Variants in CIITA observed in about 807,000 individuals in gnomAD.
CIITA encodes MHC class II transactivator.
CIITA carries 72 observed loss-of-function variants against 115.1 expected under a neutral mutation model. The ratio of observed to expected loss-of-function variants is 0.63; its 90% CI spans 0.52 to 0.76. The LOEUF is 0.76. Among genes scored for constraint, CIITA ranks in the 30% least tolerant of loss-of-function variants. The probability of loss-of-function intolerance (pLI) is 0.00; values close to 1 mark genes in which losing one functional copy is unlikely to be tolerated. For synonymous variants in CIITA, 763 were observed against 635.6 expected (o/e 1.20, Z -3.02); for missense variants, 1,617 against 1,463.8 (o/e 1.10, Z -1.71).
Position 10,924,866 on chromosome 16 carries a change from G to A in CIITA, c.*1011G>A, listed in dbSNP as rs988091554. 6.6e-6 allele frequency: 1 copy of A among 152,226 alleles called. No homozygotes were observed. The highest frequency in any genetic ancestry group is 1.5e-5 in the Non-Finnish European group (1 of 68,036). 9.4% of individuals were successfully genotyped at this position (152,226 alleles called of 1,614,324 possible). On this transcript the variant is annotated 3_prime_UTR_variant, in exon 20 of 20. Transcript: ENST00000324288. ...TATAAATGTCTCTTTAATGTCACAG[G>A]CAGGTCCAGGGTTTGAGTTCATACC...
chr16:10,910,687 A>G (rs1199730897), intron 13 of CIITA, among the ~76,000 whole-genome samples: 2 of 152,164 alleles, frequency 1.3e-5, no homozygotes, highest in Non-Finnish European at 2.9e-5. Context: ...CAGGAATTGT[A>G]ATTTCGCCAG....
At chr16:10,877,523 T>A in intron 1 of CIITA, 141 bp downstream of exon 1, 1 of 907,916 alleles carries the variant, frequency 1.1e-6, no homozygotes, top group South Asian at 1.4e-5. Flanking sequence ...GGGCAGGCCA[T>A]TGGAAGATGT....
chr16:10,915,055 G>T (rs538304897), intron 13 of CIITA: 49 of 455,254 alleles, frequency 1.1e-4, no homozygotes, highest in African/African-American at 8.6e-4. Context: ...TTCTTTTTTT[G>T]TTTTTTTTCT....
At chr16:10,896,958 G>C (rs930493087) in intron 3 of CIITA, among the ~76,000 whole-genome samples, 1 of 152,248 alleles carries the variant, frequency 6.6e-6, no homozygotes, top group African/African-American at 2.4e-5. Flanking sequence ...AAGCAGAAGT[G>C]ATTGGGGCTG....
At chr16:10,908,856 G>C (rs1381613071) in intron 11 of CIITA, 173 bp from the exon 12 acceptor site, 6 of 871,184 alleles carry the variant, frequency 6.9e-6, no homozygotes, top group Non-Finnish European at 1.1e-5. Flanking sequence ...TGAGTTGTGA[G>C]AAAGTAGGAA....
At chr16:10,895,475 G>A in intron 2 of CIITA, 47 bp downstream of exon 2, 1 of 1,609,562 alleles carries the variant, frequency 6.2e-7, no homozygotes, top group Non-Finnish European at 8.5e-7. Context: ...CCACCCCTCA[G>A]CTTGCTGTAG....
chr16:10,873,181 C>T (rs2035601053), upstream of CIITA, among the ~76,000 whole-genome samples: 1 of 152,098 alleles, frequency 6.6e-6, no homozygotes, highest in Admixed American at 6.5e-5. Context: ...CTATGTTTCC[C>T]ACGGCTGGTC....
Position 10,922,508 on chromosome 16 carries a change from T to C in CIITA, c.3317+18T>C. The C allele has an allele frequency of 6.2e-7, 1 of 1,613,500 alleles. No individual in the cohort carries two copies. The highest frequency in any genetic ancestry group is 8.5e-7 in the Non-Finnish European group (1 of 1,179,508). ...ACGCTGGCGTAAGTCCAGGCAACCCTGGTGGGTGGAGAACAACTCACTCCC... is the reference window on the plus strand; with the variant it reads ...ACGCTGGCGTAAGTCCAGGCAACCCCGGTGGGTGGAGAACAACTCACTCCC... On this transcript the variant is annotated intron_variant, in intron 18 of 19. Coordinates refer to ENST00000324288, the MANE Select transcript of CIITA (RefSeq NM_000246.4).
chr16:10,937,772 A>T (rs1487733349), downstream of CIITA: 1 of 152,210 alleles, frequency 6.6e-6, no homozygotes, highest in Non-Finnish European at 1.5e-5. This position sits in a 1 kb window ranked among gnomAD's most constrained non-coding sequence, Gnocchi z 4.2. Flanking sequence ...CCTGGGAAGG[A>T]GGGAGCTCCC....
At chr16:10,914,007 C>T (rs1330287093) in intron 13 of CIITA, among the ~76,000 whole-genome samples, 2 of 149,926 alleles carry the variant, frequency 1.3e-5, no homozygotes, top group Non-Finnish European at 3.0e-5. Flanking sequence ...AAACTCCATC[C>T]CCCTCACCAC....
rs1309946370 is a variant in CIITA, at chr16:10,934,283, TA to T, written c.*10430del. 6.6e-6 allele frequency: 1 copy of T among 152,358 alleles called. No homozygotes were observed. Among genetic ancestry groups the T allele is most frequent in the Non-Finnish European group, 1.5e-5 (1 of 68,032 alleles). The allele number at this position is 152,358 out of a possible 1,614,324, so 9.4% of individuals were successfully genotyped here. A position where few individuals can be genotyped will look rare whatever the true frequency, so the allele number is the denominator to read the frequency against. ...TACTTTTTAAACTCCAATTTTTTAA[TA>T]AGATCATTTATGTCACCATATAACA... is the stretch of plus-strand genomic sequence containing the variant. On this transcript the variant is annotated 3_prime_UTR_variant, in exon 20 of 20. Coordinates refer to ENST00000324288, the MANE Select transcript of CIITA (RefSeq NM_000246.4). The surrounding 1 kb of genome is among the most constrained non-coding windows in gnomAD (Gnocchi z 4.2).
chr16:10,916,389 A>G lies in CIITA; in HGVS notation c.2992A>G (p.Lys998Glu). 1 of 1,613,908 alleles carries G rather than the reference A, an allele frequency of 6.2e-7. No individual in the cohort carries two copies. The highest frequency in any genetic ancestry group is 8.5e-7 in the Non-Finnish European group (1 of 1,179,936). ...HLDLDALSEN[K>E]IGDEGVSQLS... ...CAGCCTGGATGCGCTGAGTGAGAAC[A>G]AGATCGGGGACGAGGGTGTCTCGCA... Residue 998 changes from lysine to glutamate, a missense_variant, in exon 15 of 20, where the codon AAG becomes GAG. Physicochemically the swap from Lys to Glu is moderately conservative, Grantham distance 56 (BLOSUM62 1). Transcript: ENST00000324288.
chr16:10,941,497 G>A lies in CIITA; in HGVS notation n.623G>A. 4.4e-6 allele frequency: 6 copies of A among 1,351,694 alleles called. No homozygotes were observed. Among genetic ancestry groups the A allele is most frequent in the Non-Finnish European group, 5.8e-6 (6 of 1,043,358 alleles). 83.7% of individuals were successfully genotyped at this position (1,351,694 alleles called of 1,614,324 possible). ...AAGCCTGAGGGAGGGGTGTGTATCCGGCCTGGGAATTCCTCCCTCTCCCTT... is the reference window on the plus strand; with the variant it reads ...AAGCCTGAGGGAGGGGTGTGTATCCAGCCTGGGAATTCCTCCCTCTCCCTT... On this transcript the variant is annotated non_coding_transcript_exon_variant, in exon 2 of 2. Coordinates refer to the CIITA transcript ENST00000573379. This position sits in a 1 kb window ranked among gnomAD's most constrained non-coding sequence, Gnocchi z 6.4.
chr16:10,908,251 G>A, intron 11 of CIITA, 102 bp downstream of exon 11: 1 of 1,355,946 alleles, frequency 7.4e-7, no homozygotes, highest in Non-Finnish European at 1.0e-6. Flanking sequence ...AGTATGCAGA[G>A]CAGCCGGGTG....
intron 1 of CIITA, among the ~76,000 whole-genome samples, chr16:10,867,904 C>A (rs1183349763): frequency 6.6e-6 from 1 of 151,944 alleles, no homozygotes; most frequent in African/African-American, 2.4e-5. Context: ...TACAGGCATG[C>A]ACCACTATGC....
chr16:10,877,252 G>A lies in CIITA; in HGVS notation c.-79G>A. ...TGTGCTTCTGAGCTGGGCATCCGAAGGCATCCTTGGGGAAGCTGAGGGCAC... is the reference window on the plus strand; with the variant it reads ...TGTGCTTCTGAGCTGGGCATCCGAAAGCATCCTTGGGGAAGCTGAGGGCAC... On this transcript the variant is annotated 5_prime_UTR_variant, in exon 1 of 20. Coordinates refer to ENST00000324288, the MANE Select transcript of CIITA (RefSeq NM_000246.4). The A allele has an allele frequency of 7.4e-7, 1 of 1,347,570 alleles. No homozygotes were observed. Among genetic ancestry groups the A allele is most frequent in the East Asian group, 2.4e-5 (1 of 41,476 alleles). The allele number at this position is 1,347,570 out of a possible 1,614,324, so 83.5% of individuals were successfully genotyped here.
downstream of CIITA, chr16:10,941,268 A>G (rs2041098790): frequency 6.3e-6 from 1 of 157,850 alleles, no homozygotes; most frequent in Non-Finnish European, 1.4e-5. This position sits in a 1 kb window ranked among gnomAD's most constrained non-coding sequence, Gnocchi z 6.4. Context: ...TCTGCCTCAA[A>G]TGGATTTGGG....
chr16:10,939,037 T>A (rs2041066377), downstream of CIITA: 1 of 152,192 alleles, frequency 6.6e-6, no homozygotes, highest in South Asian at 2.1e-4. This position sits in a 1 kb window ranked among gnomAD's most constrained non-coding sequence, Gnocchi z 4.9. Flanking sequence ...CGCAGGCCCT[T>A]AGCACACGGC....
intron 1 of CIITA, among the ~76,000 whole-genome samples, chr16:10,886,447 G>T (rs75401741): frequency 1.1e-4 from 17 of 152,280 alleles, no homozygotes; most frequent in African/African-American, 3.9e-4. Flanking sequence ...ATCCTCAGAT[G>T]GGTTCTCCTG....
Sources: allele counts gnomAD v4.1 joint callset (sites outside exome capture counted in the v4.1 genomes callset), GRCh38; gene constraint gnomAD v4.1.1; non-coding constraint Gnocchi (gnomAD v3.1); transcripts MANE v1.5; gene names NCBI Gene and HGNC (gene_info 2026-07-23, HGNC 2026-07-21).